Variants in MLLT3 observed in about 807,000 individuals in gnomAD.
The protein encoded by MLLT3 is protein AF-9.
MLLT3 carries 4 observed loss-of-function variants against 53.2 expected under a neutral mutation model. That is an observed-to-expected ratio of 0.08 (90% CI 0.04 to 0.17). The LOEUF is 0.17. MLLT3 is among the 10% of genes least tolerant of loss of function. The pLI, the probability that MLLT3 is intolerant of heterozygous loss-of-function variation, is 1.00. For synonymous variants in MLLT3, 283 were observed against 230.6 expected, an observed-to-expected ratio of 1.23 and a Z score of -2.06; for missense variants, 569 against 684.0, an observed-to-expected ratio of 0.83 and a Z score of 1.87.
rs1393463999 is a variant in MLLT3, at chr9:20,343,505, C to A, written c.*2938G>T. On this transcript the variant is annotated 3_prime_UTR_variant, in exon 11 of 11. Coordinates refer to ENST00000380338, the MANE Select transcript of MLLT3 (RefSeq NM_004529.4). ...AATATTGTTGCTAACATGACTGTTA[C>A]ATCCGAAGACAGAAGGAACCCCAAA... is the stretch of plus-strand genomic sequence containing the variant. 1.3e-5 allele frequency: 3 copies of A among 227,656 alleles called. No homozygotes were observed. The highest frequency in any genetic ancestry group is 1.7e-5 in the Non-Finnish European group (2 of 114,698). The allele number at this position is 227,656 out of a possible 1,614,324, so 14.1% of individuals were successfully genotyped here.
intron 2 of MLLT3, among the ~76,000 whole-genome samples, chr9:20,572,243 G>A (rs1465534076): frequency 6.6e-6 from 1 of 152,092 alleles, no homozygotes; most frequent in Non-Finnish European, 1.5e-5. Context: ...GTTGGCCAAA[G>A]GGCACAAAGC....
chr9:20,430,983 C>T (rs1366798693), intron 4 of MLLT3, among the ~76,000 whole-genome samples: 1 of 152,058 alleles, frequency 6.6e-6, no homozygotes, highest in African/African-American at 2.4e-5. Flanking sequence ...CATTAATGAA[C>T]ATATAATCAC....
intron 5 of MLLT3, among the ~76,000 whole-genome samples, chr9:20,406,919 G>A (rs559729203): frequency 1.2e-4 from 19 of 152,286 alleles, no homozygotes; most frequent in Non-Finnish European, 2.5e-4. Context: ...TAAGGAAGCT[G>A]CTTAGGGGTG....
At chr9:20,517,823 A>G (rs565536386) in intron 2 of MLLT3, among the ~76,000 whole-genome samples, 1 of 152,116 alleles carries the variant, frequency 6.6e-6, no homozygotes, top group Non-Finnish European at 1.5e-5. Context: ...GGGAGACAAG[A>G]GCAAAACTCT....
intron 4 of MLLT3, among the ~76,000 whole-genome samples, chr9:20,419,397 C>T (rs976744383): frequency 6.6e-6 from 1 of 150,736 alleles, no homozygotes; most frequent in Non-Finnish European, 1.5e-5. Flanking sequence ...TAACATACAG[C>T]CATAAGAAGA....
At chr9:20,476,574 T>C (rs961857132) in intron 2 of MLLT3, among the ~76,000 whole-genome samples, 4 of 152,162 alleles carry the variant, frequency 2.6e-5, no homozygotes, top group Non-Finnish European at 4.4e-5. Context: ...CATACAATTA[T>C]AAATCAGAAA....
chr9:20,352,727 A>C (rs942630285), intron 10 of MLLT3, among the ~76,000 whole-genome samples: 10 of 150,124 alleles, frequency 6.7e-5, no homozygotes, highest in South Asian at 2.1e-4. Flanking sequence ...AAAAAAAAAA[A>C]CCCACACACA....
chr9:20,442,788 T>G (rs1823588202), intron 4 of MLLT3, among the ~76,000 whole-genome samples: 1 of 152,180 alleles, frequency 6.6e-6, no homozygotes, highest in Non-Finnish European at 1.5e-5. Flanking sequence ...TTATTCCTTG[T>G]GAAAACAGAT....
chr9:20,489,708 A>G (rs1824899346), intron 2 of MLLT3, among the ~76,000 whole-genome samples: 1 of 152,232 alleles, frequency 6.6e-6, no homozygotes, highest in Admixed American at 6.5e-5. Context: ...AGCACAATGC[A>G]AAACAACTCA....
intron 2 of MLLT3, among the ~76,000 whole-genome samples, chr9:20,547,201 C>T (rs1208064972): frequency 6.7e-6 from 1 of 149,942 alleles, no homozygotes; most frequent in East Asian, 2.0e-4. Context: ...TACTCATATA[C>T]TTTTTTTTTT....
In MLLT3 at chr9:20,504,348, A is replaced by C. The variant is rs543639261; in HGVS notation, c.194-47562T>G. Reference sequence around the variant, plus strand: ...AATGTGAAATATATATCCCCAATGGAATTGTGTGTGTGTGTGTGTGTGTGT... The same window carrying C: ...AATGTGAAATATATATCCCCAATGGCATTGTGTGTGTGTGTGTGTGTGTGT... On this transcript the variant is annotated intron_variant, in intron 2 of 10. Transcript: ENST00000380338. Among the ~76,000 whole-genome samples, 3 of 129,838 alleles carry C rather than the reference A, an allele frequency of 2.3e-5. No individual in the cohort carries two copies. In the South Asian group the frequency reaches 7.1e-4, roughly 31 times the overall value. 85.2% of individuals were successfully genotyped at this position (129,838 alleles called of 152,430 possible).
chr9:20,361,014 G>A (rs1237998613), intron 7 of MLLT3, among the ~76,000 whole-genome samples, 173 bp from the exon 8 acceptor site: 3 of 152,214 alleles, frequency 2.0e-5, no homozygotes, highest in African/African-American at 7.2e-5. Flanking sequence ...ACTGTGTTAA[G>A]TGCTTTACCT....
intron 2 of MLLT3, among the ~76,000 whole-genome samples, chr9:20,490,254 C>T (rs575912785): frequency 1.3e-5 from 2 of 152,354 alleles, no homozygotes; most frequent in Admixed American, 1.3e-4. Flanking sequence ...TACTAATCAA[C>T]TGACCATAGG....
At chr9:20,578,489 T>C (rs934535521) in intron 2 of MLLT3, among the ~76,000 whole-genome samples, 2 of 151,112 alleles carry the variant, frequency 1.3e-5, no homozygotes, top group Admixed American at 1.3e-4. Flanking sequence ...ACCAGCCTGG[T>C]CAACACAGAA....
chr9:20,586,117 C>G (rs7031523), intron 2 of MLLT3, among the ~76,000 whole-genome samples: 111,847 of 151,886 alleles, frequency 0.74, 42,353 homozygotes, highest in Middle Eastern at 0.88. Flanking sequence ...CAGGAGTTTG[C>G]GACCAGCCGG....
At chr9:20,511,267 A>T (rs933238361) in intron 2 of MLLT3, among the ~76,000 whole-genome samples, 6 of 152,182 alleles carry the variant, frequency 3.9e-5, no homozygotes, top group Middle Eastern at 3.2e-3. Flanking sequence ...TTTAAAAAAA[A>T]CTTCAAGAAA....
intron 4 of MLLT3, among the ~76,000 whole-genome samples, chr9:20,425,036 T>C (rs1407327152): frequency 1.3e-5 from 2 of 152,172 alleles, no homozygotes; most frequent in Non-Finnish European, 2.9e-5. Flanking sequence ...CATAGCACAA[T>C]GTTATCAACC....
At position 20,518,566 on chromosome 9, in the gene MLLT3, C is replaced by G. The variant is rs570686525; in HGVS notation, c.194-61780G>C. On this transcript the variant is annotated intron_variant, in intron 2 of 10. Coordinates refer to ENST00000380338, the MANE Select transcript of MLLT3 (RefSeq NM_004529.4). ...ATCTCAAAGTATCTCTCCCAAGACA[C>G]TTAGTAATCATAAAGATAAAATAAA... Among the ~76,000 whole-genome samples, 38 of 152,208 alleles carry G rather than the reference C, an allele frequency of 2.5e-4. No homozygotes were observed. The South Asian group carries it at 7.5e-3, about 30-fold the overall frequency.
intron 2 of MLLT3, among the ~76,000 whole-genome samples, chr9:20,521,455 T>C (rs1226225578): frequency 1.8e-5 from 2 of 113,550 alleles, no homozygotes; most frequent in Non-Finnish European, 3.7e-5. Flanking sequence ...GCTGTGTGTG[T>C]ATATGTGTGT....
Sources: gnomAD v4.1 joint callset for allele counts (sites outside exome capture counted in the v4.1 genomes callset) on GRCh38, gnomAD v4.1.1 for gene constraint, MANE v1.5 for transcripts, NCBI Gene and HGNC (gene_info 2026-07-23, HGNC 2026-07-21) for gene names.